Variants in CSMD1 observed in about 807,000 individuals in gnomAD.
The protein encoded by CSMD1 is CUB and Sushi multiple domains 1.
A neutral mutation model predicts 417.5 loss-of-function variants in CSMD1; 213 were observed. The ratio of observed to expected loss-of-function variants is 0.51; its 90% confidence interval spans 0.46 to 0.57. The LOEUF (loss-of-function observed/expected upper bound fraction) is 0.57, where lower values mean the gene tolerates loss of function less well. CSMD1 is among the 20% of genes least tolerant of loss of function. CSMD1 has a pLI of 0.00. For synonymous variants in CSMD1, 2,862 were observed against 1,736.8 expected (o/e 1.65, Z -16.11); for missense variants, 6,923 against 4,529.7 (o/e 1.53, Z -15.17).
In CSMD1 at chr8:3,347,371, G is replaced by C. The variant is rs776674697; in HGVS notation, c.3474+621C>G. Among the ~76,000 whole-genome samples the C allele has an allele frequency of 2.0e-5, 3 of 152,278 alleles. No homozygotes were observed. The South Asian group carries it at 6.2e-4, about 32-fold the overall frequency. On this transcript the variant is annotated intron_variant, in intron 22 of 69. Coordinates refer to ENST00000635120, the MANE Select transcript of CSMD1 (RefSeq NM_033225.6). ...GTTAAGGGCATTTCTAGTTGGAGCTGGGATTTTGTCAATCAACGCAGGACC... is the reference window on the plus strand; with the variant it reads ...GTTAAGGGCATTTCTAGTTGGAGCTCGGATTTTGTCAATCAACGCAGGACC...
chr8:3,533,566 C>G (rs995881908), intron 10 of CSMD1, among the ~76,000 whole-genome samples: 3 of 152,188 alleles, frequency 2.0e-5, no homozygotes, highest in African/African-American at 7.2e-5. Context: ...AGCAGGTTCA[C>G]ACACTGCTGT....
At chr8:3,360,758 G>GT (rs1325223942) in intron 20 of CSMD1, among the ~76,000 whole-genome samples, 1 of 151,818 alleles carries the variant, frequency 6.6e-6, no homozygotes, top group East Asian at 1.9e-4. Context: ...CATCTTTAGG[G>GT]TTCCCCTAAC....
chr8:4,874,823 C>T (rs1802949462), intron 1 of CSMD1, among the ~76,000 whole-genome samples: 1 of 149,572 alleles, frequency 6.7e-6, no homozygotes, highest in Admixed American at 6.7e-5. Flanking sequence ...TTTACACACA[C>T]ACTTAATTCT....
intron 2 of CSMD1, among the ~76,000 whole-genome samples, chr8:4,475,025 C>G (rs1485703147): frequency 1.3e-5 from 2 of 152,008 alleles, no homozygotes; most frequent in African/African-American, 2.4e-5. Flanking sequence ...GTGGATTTTT[C>G]AATGCATAAG....
Position 4,986,425 on chromosome 8 carries a change from T to G in CSMD1, c.85+7907A>C, listed in dbSNP as rs181449145. Reference sequence around the variant, plus strand: ...AAGAGGAGGAAAAAGTTTCTCTAAATAGAGGCATAGACATTCTTCAGTCAT... The same window carrying G: ...AAGAGGAGGAAAAAGTTTCTCTAAAGAGAGGCATAGACATTCTTCAGTCAT... On this transcript the variant is annotated intron_variant, in intron 1 of 69. Coordinates refer to ENST00000635120, the MANE Select transcript of CSMD1 (RefSeq NM_033225.6). Among the ~76,000 whole-genome samples, 567 of 152,316 alleles carry G rather than the reference T, an allele frequency of 3.7e-3. 1 individual carries two copies. The highest frequency in any genetic ancestry group is 5.4e-3 in the Non-Finnish European group (364 of 68,028).
chr8:3,007,592 T>G (rs968793453), intron 52 of CSMD1, among the ~76,000 whole-genome samples: 8 of 151,128 alleles, frequency 5.3e-5, no homozygotes, highest in African/African-American at 2.0e-4. Flanking sequence ...TATGCAGCCA[T>G]AAAAAATGAT....
intron 25 of CSMD1, among the ~76,000 whole-genome samples, chr8:3,298,656 G>C (rs1488401389): frequency 6.6e-6 from 1 of 152,172 alleles, no homozygotes; most frequent in African/African-American, 2.4e-5. Context: ...GTTTCACCAT[G>C]TTGATCAGGT....
At chr8:3,448,017 T>C (rs561706032) in intron 12 of CSMD1, among the ~76,000 whole-genome samples, 2 of 152,106 alleles carry the variant, frequency 1.3e-5, no homozygotes, top group East Asian at 3.9e-4. Context: ...CACTGGGACC[T>C]CCTAACCCTG....
Position 3,879,933 on chromosome 8 carries a change from T to C in CSMD1, c.818+117970A>G, listed in dbSNP as rs188526937. Among the ~76,000 whole-genome samples, 269 of 152,318 alleles carry C rather than the reference T, an allele frequency of 1.8e-3. 1 individual carries two copies. The highest frequency in any genetic ancestry group is 1.6e-3 in the Non-Finnish European group (111 of 68,038). On this transcript the variant is annotated intron_variant, in intron 5 of 69. Coordinates refer to ENST00000635120, the MANE Select transcript of CSMD1 (RefSeq NM_033225.6). ...TAACGAAATAGTGCTTGGTATGTGATACGACTTACTACATATTTATTTGAT... is the reference window on the plus strand; with the variant it reads ...TAACGAAATAGTGCTTGGTATGTGACACGACTTACTACATATTTATTTGAT...
At chr8:3,871,476 A>C (rs1309546058) in intron 5 of CSMD1, among the ~76,000 whole-genome samples, 1 of 152,136 alleles carries the variant, frequency 6.6e-6, no homozygotes, top group African/African-American at 2.4e-5. Flanking sequence ...GTGAGGTTGA[A>C]TTTATTTTCA....
At chr8:3,250,199 C>A (rs892551672) in intron 26 of CSMD1, among the ~76,000 whole-genome samples, 1 of 152,176 alleles carries the variant, frequency 6.6e-6, no homozygotes, top group African/African-American at 2.4e-5. Flanking sequence ...CAAATACTAT[C>A]CCTCCCTGAT....
chr8:3,155,525 G>A (rs1819471225), intron 39 of CSMD1, among the ~76,000 whole-genome samples: 1 of 151,018 alleles, frequency 6.6e-6, no homozygotes, highest in African/African-American at 2.4e-5. Context: ...TCGCCACCAC[G>A]CCCAGCTAAT....
At chr8:4,091,746 G>A (rs113861981) in intron 3 of CSMD1, among the ~76,000 whole-genome samples, 180 of 152,292 alleles carry the variant, frequency 1.2e-3, no homozygotes, top group Non-Finnish European at 2.0e-3. Flanking sequence ...GTGTATAAAT[G>A]TATCCTGTAT....
intron 3 of CSMD1, among the ~76,000 whole-genome samples, chr8:4,228,776 T>C (rs1801521477): frequency 6.6e-6 from 1 of 152,076 alleles, no homozygotes; most frequent in South Asian, 2.1e-4. Context: ...CTCTGCCTCC[T>C]GGGTTCAAAA....
intron 3 of CSMD1, among the ~76,000 whole-genome samples, chr8:4,283,410 C>T (rs1191334841): frequency 6.6e-6 from 1 of 152,176 alleles, no homozygotes; most frequent in African/African-American, 2.4e-5. Context: ...ATTCTAAGAA[C>T]ACATTCTTTT....
At chr8:3,857,173 G>A (rs1804370080) in intron 5 of CSMD1, among the ~76,000 whole-genome samples, 2 of 152,064 alleles carry the variant, frequency 1.3e-5, no homozygotes, top group South Asian at 4.2e-4. Context: ...ATAATTACAT[G>A]GGCTTCATGA....
intron 2 of CSMD1, among the ~76,000 whole-genome samples, chr8:4,500,797 C>G (rs1404243246): frequency 6.6e-6 from 1 of 152,064 alleles, no homozygotes; most frequent in Non-Finnish European, 1.5e-5. Context: ...AAAAAGGAGG[C>G]ATGTTGACTT....
At chr8:3,799,052 A>C (rs1043474966) in intron 5 of CSMD1, among the ~76,000 whole-genome samples, 2 of 152,034 alleles carry the variant, frequency 1.3e-5, no homozygotes, top group Admixed American at 1.3e-4. Flanking sequence ...TTTGTATAGT[A>C]TGCTTAAATA....
chr8:3,921,578 G>A (rs1301645207), intron 5 of CSMD1, among the ~76,000 whole-genome samples: 8 of 151,942 alleles, frequency 5.3e-5, no homozygotes, highest in African/African-American at 1.4e-4. Context: ...CTATTTTGGT[G>A]TGCTTGGTTT....
Sources: gnomAD v4.1 joint callset for allele counts (sites outside exome capture counted in the v4.1 genomes callset) on GRCh38, gnomAD v4.1.1 for gene constraint, MANE v1.5 for transcripts, NCBI Gene and HGNC (gene_info 2026-07-23, HGNC 2026-07-21) for gene names.